EXOC4: variants seen among roughly 807,000 people sequenced by gnomAD.
EXOC4 encodes the protein SEC8-like 1.
In EXOC4, 71 loss-of-function variants were observed where a neutral mutation model predicts 107.2. That is an observed-to-expected ratio of 0.66 (90% CI 0.55 to 0.81). The LOEUF (loss-of-function observed/expected upper bound fraction) is 0.81. EXOC4 is among the 30% of genes least tolerant of loss of function. The pLI is 0.00. For missense variants in EXOC4, 1,108 were observed against 1,189.6 expected, an observed-to-expected ratio of 0.93 and a Z score of 1.01; for synonymous variants, 456 against 441.2, an observed-to-expected ratio of 1.03 and a Z score of -0.42.
intron 8 of EXOC4, among the ~76,000 whole-genome samples, chr7:133,476,291 G>A (rs760176142): frequency 6.6e-6 from 1 of 152,122 alleles, no homozygotes; most frequent in Non-Finnish European, 1.5e-5. Context: ...TAAAAAAATA[G>A]AGACATGAAA....
the EXOC4 span, among the ~76,000 whole-genome samples, chr7:134,079,657 C>A: frequency 6.6e-6 from 1 of 152,172 alleles, no homozygotes; most frequent in Non-Finnish European, 1.5e-5. Flanking sequence ...CCCGGTTGGG[C>A]TATCCTGTCC....
At chr7:133,759,352 A>C (rs1206915677) in intron 10 of EXOC4, among the ~76,000 whole-genome samples, 3 of 152,244 alleles carry the variant, frequency 2.0e-5, no homozygotes, top group Non-Finnish European at 4.4e-5. Flanking sequence ...TTAAAACTCA[A>C]GTGGATCTGG....
At chr7:133,253,337 G>T in intron 1 of EXOC4, 150 bp downstream of exon 1, 1 of 1,406,576 alleles carries the variant, frequency 7.1e-7, no homozygotes. Flanking sequence ...CCCCTCCCCA[G>T]GGCCCCAGCA....
intron 11 of EXOC4, among the ~76,000 whole-genome samples, chr7:133,843,326 T>A (rs925563537): frequency 2.6e-5 from 4 of 152,304 alleles, no homozygotes; most frequent in South Asian, 2.1e-4. Context: ...CTATTTGTTA[T>A]GTCATCTCTG....
intron 9 of EXOC4, among the ~76,000 whole-genome samples, chr7:133,611,856 C>T (rs1191066508): frequency 6.6e-6 from 1 of 152,152 alleles, no homozygotes; most frequent in Non-Finnish European, 1.5e-5. Flanking sequence ...CTCTTCTAAT[C>T]TTTCATAACA....
chr7:134,099,194 G>C, the EXOC4 span, among the ~76,000 whole-genome samples: 1 of 152,080 alleles, frequency 6.6e-6, no homozygotes, highest in African/African-American at 2.4e-5. Context: ...CCCATAAATG[G>C]TGTCCTTGTA....
At position 133,971,347 on chromosome 7, in the gene EXOC4, TATATATATATATATAG is replaced by T. The variant is rs1240656309; in HGVS notation, c.2207-26143_2207-26128del. 3.1e-5 allele frequency among the ~76,000 whole-genome samples: 3 copies of T among 97,536 alleles called. 1 individual carries two copies. The highest frequency in any genetic ancestry group is 2.0e-5 in the Non-Finnish European group (1 of 50,252). 64.0% of individuals were successfully genotyped at this position (97,536 alleles called of 152,430 possible). On this transcript the variant is annotated intron_variant, in intron 14 of 17. Transcript: ENST00000253861. ...TGGGGAAAATGTGTATATATATATA[TATATATATATATATAG>T]AGAGAGAGAGAGAGAGAGAGAGAGA...
intron 7 of EXOC4, among the ~76,000 whole-genome samples, chr7:133,441,934 A>G (rs917933002): frequency 8.5e-5 from 13 of 152,308 alleles, no homozygotes; most frequent in African/African-American, 2.6e-4. Context: ...TTCCTTGAGC[A>G]GAGTTGGGGA....
intron 5 of EXOC4, among the ~76,000 whole-genome samples, chr7:133,342,807 T>C (rs1795695357): frequency 6.6e-6 from 1 of 152,214 alleles, no homozygotes; most frequent in African/African-American, 2.4e-5. Context: ...TGTTTATTTC[T>C]ATTGTTGAAA....
At position 134,064,444 on chromosome 7, in the gene EXOC4, G is replaced by A. The variant is rs35575046; in HGVS notation, c.2841G>A (p.Thr947=). 2.1e-3 allele frequency: 3,391 copies of A among 1,607,840 alleles called. 69 individuals are homozygous for A. In the African/African-American group the frequency reaches 0.039, roughly 18 times the overall value. Residue 947 remains threonine (T), a synonymous_variant, in exon 18 of 18, where the codon ACG becomes ACA. Coordinates refer to ENST00000253861, the MANE Select transcript of EXOC4 (RefSeq NM_021807.4). ...TGVGELTTQN[T]RLQRLKEIIC... is the part of the protein sequence containing the mutation. ...TGGGGGAACTGACCACCCAGAACACGAGGCTGCAGAGGCTCAAAGAGATCA... is the reference window on the plus strand; with the variant it reads ...TGGGGGAACTGACCACCCAGAACACAAGGCTGCAGAGGCTCAAAGAGATCA...
intron 17 of EXOC4, among the ~76,000 whole-genome samples, chr7:134,046,605 G>GT (rs1795659433): frequency 6.7e-6 from 1 of 149,966 alleles, no homozygotes; most frequent in Non-Finnish European, 1.5e-5. Flanking sequence ...AATACAGGTA[G>GT]TAAGTACGTG....
At chr7:134,072,182 G>T in the EXOC4 span, among the ~76,000 whole-genome samples, 1 of 152,194 alleles carries the variant, frequency 6.6e-6, no homozygotes, top group Admixed American at 6.5e-5. Context: ...GTGTATCTTG[G>T]CTCAACATGT....
intron 12 of EXOC4, among the ~76,000 whole-genome samples, chr7:133,914,823 T>A (rs1481090283): frequency 6.6e-6 from 1 of 152,002 alleles, no homozygotes; most frequent in East Asian, 1.9e-4. Context: ...CATGAGGAAA[T>A]ACACCATCAT....
At chr7:133,633,417 T>C (rs1388690117) in intron 10 of EXOC4, among the ~76,000 whole-genome samples, 1 of 152,180 alleles carries the variant, frequency 6.6e-6, no homozygotes. Flanking sequence ...ATAACTTAGC[T>C]CATATTAAAA....
intron 11 of EXOC4, among the ~76,000 whole-genome samples, chr7:133,882,336 T>G (rs1168956315): frequency 1.3e-5 from 2 of 152,224 alleles, no homozygotes; most frequent in African/African-American, 2.4e-5. Context: ...GAGCATAGCA[T>G]TAGACCTGCT....
At chr7:134,024,010 G>A (rs146204707) in intron 17 of EXOC4, among the ~76,000 whole-genome samples, 217 of 152,298 alleles carry the variant, frequency 1.4e-3, no homozygotes, top group African/African-American at 4.7e-3. Context: ...GCAGTGTTAG[G>A]GGTGCCCAAA....
intron 11 of EXOC4, among the ~76,000 whole-genome samples, chr7:133,823,532 A>T (rs948439951): frequency 6.6e-6 from 1 of 151,792 alleles, no homozygotes; most frequent in Admixed American, 6.6e-5. Flanking sequence ...TTATTGTTGA[A>T]GGCTGGGCAT....
Position 133,748,737 on chromosome 7 carries a change from A to C in EXOC4, c.1515-68588A>C, listed in dbSNP as rs144321962. The stretch of plus-strand genomic sequence containing the variant: ...CAGACAAAAATGCAGCATTTGCGAG[A>C]GATTCAGTGCCTAAGATAAGGGACT... On this transcript the variant is annotated intron_variant, in intron 10 of 17. Coordinates refer to ENST00000253861, the MANE Select transcript of EXOC4 (RefSeq NM_021807.4). Among the ~76,000 whole-genome samples, 518 of 152,272 alleles carry C rather than the reference A, an allele frequency of 3.4e-3. 4 individuals are homozygous for C. Among genetic ancestry groups the C allele is most frequent in the African/African-American group, 0.011 (471 of 41,554 alleles).
At chr7:133,624,218 C>G (rs1274776760) in intron 9 of EXOC4, among the ~76,000 whole-genome samples, 1 of 152,102 alleles carries the variant, frequency 6.6e-6, no homozygotes, top group Admixed American at 6.5e-5. Context: ...AAGTCATGAT[C>G]ATTTTATGCT....
Sources: gnomAD v4.1 joint callset for allele counts (sites outside exome capture counted in the v4.1 genomes callset) on GRCh38, gnomAD v4.1.1 for gene constraint, MANE v1.5 for transcripts, NCBI Gene and HGNC (gene_info 2026-07-23, HGNC 2026-07-21) for gene names.